The following TRPC7 variants were observed in gnomAD, a reference collection of about 807,000 sequenced individuals.
TRPC7 encodes short transient receptor potential channel 7.
Under a neutral mutation model 90.1 loss-of-function variants are expected in TRPC7, and 42 were observed. That is an observed-to-expected ratio of 0.47 (90% CI 0.36 to 0.60). The LOEUF (loss-of-function observed/expected upper bound fraction) is 0.60. Ranked by LOEUF, TRPC7 falls within the 20% of genes least tolerant of loss-of-function variation. The pLI is 0.00. For missense variants in TRPC7, 955 were observed against 1,112.3 expected, an observed-to-expected ratio of 0.86 and a Z score of 2.01; for synonymous variants, 451 against 436.3, an observed-to-expected ratio of 1.03 and a Z score of -0.42.
At chr5:136,353,090 G>A (rs1310640844) in intron 2 of TRPC7, among the ~76,000 whole-genome samples, 1 of 152,110 alleles carries the variant, frequency 6.6e-6, no homozygotes, top group Non-Finnish European at 1.5e-5. Flanking sequence ...ACCACATCAA[G>A]TTTTAATATC....
chr5:136,347,234 T>C (rs1359963092), intron 2 of TRPC7, among the ~76,000 whole-genome samples: 1 of 152,174 alleles, frequency 6.6e-6, no homozygotes, highest in African/African-American at 2.4e-5. Context: ...TGTGCTACTT[T>C]GTTATTGCAG....
chr5:136,295,164 G>A (rs1758120723), intron 3 of TRPC7, among the ~76,000 whole-genome samples: 1 of 152,058 alleles, frequency 6.6e-6, no homozygotes, highest in African/African-American at 2.4e-5. Context: ...GGGAGGGATA[G>A]CCTTAGGAGA....
intron 5 of TRPC7, among the ~76,000 whole-genome samples, chr5:136,252,753 A>G (rs1033417528): frequency 3.3e-5 from 5 of 152,226 alleles, no homozygotes; most frequent in Admixed American, 6.5e-5. Flanking sequence ...TTAGGCTCCT[A>G]TGAGAATCTA....
intron 3 of TRPC7, among the ~76,000 whole-genome samples, chr5:136,303,049 T>G (rs1365683438): frequency 2.0e-5 from 3 of 152,066 alleles, no homozygotes; most frequent in African/African-American, 4.8e-5. Context: ...CCTCCCCTCC[T>G]CACACCCGGT....
intron 1 of TRPC7, 33 bp downstream of exon 1, chr5:136,365,220 A>T (rs1303834668): frequency 6.5e-7 from 1 of 1,536,638 alleles, no homozygotes; most frequent in African/African-American, 1.4e-5. Flanking sequence ...TGGAAAAAAA[A>T]ATCAATATGA....
intron 1 of TRPC7, among the ~76,000 whole-genome samples, chr5:136,362,923 T>C (rs1760613715): frequency 6.6e-6 from 1 of 152,132 alleles, no homozygotes. Context: ...CTTAATTCAT[T>C]CCTAAATATT....
intron 2 of TRPC7, among the ~76,000 whole-genome samples, chr5:136,338,653 A>G (rs1759744710): frequency 6.6e-6 from 1 of 152,248 alleles, no homozygotes; most frequent in African/African-American, 2.4e-5. Context: ...AAAGAGAGGC[A>G]CACTTAGTTC....
intron 3 of TRPC7, among the ~76,000 whole-genome samples, chr5:136,312,331 A>T (rs1233730482): frequency 6.6e-6 from 1 of 152,128 alleles, no homozygotes; most frequent in Non-Finnish European, 1.5e-5. Flanking sequence ...CTCTGGGGAG[A>T]TAACAAAGGA....
In TRPC7 at chr5:136,357,217, C is replaced by G. The variant is rs372427444; in HGVS notation, c.171G>C (p.Pro57=). Residue 57 remains proline (P), a synonymous_variant, in exon 2 of 12, where the codon CCG becomes CCC. Transcript: ENST00000513104. ...ACTCCTCCAGCATTTTCCGGACCAC[C>G]GGGATGTTGCCATACTCAGCCGAGT... ...FLDSAEYGNI[P]VVRKMLEESK... 2 of 1,613,854 alleles carry G rather than the reference C, an allele frequency of 1.2e-6. No individual in the cohort carries two copies. The highest frequency in any genetic ancestry group is 4.5e-5 in the East Asian group (2 of 44,874).
At chr5:136,350,356 C>T (rs373615405) in intron 2 of TRPC7, among the ~76,000 whole-genome samples, 1 of 152,170 alleles carries the variant, frequency 6.6e-6, no homozygotes, top group Non-Finnish European at 1.5e-5. Context: ...CCAGGGCCTG[C>T]CCCTCTGCAC....
At chr5:136,217,310 C>T (rs951569568) in intron 10 of TRPC7, among the ~76,000 whole-genome samples, 7 of 152,198 alleles carry the variant, frequency 4.6e-5, no homozygotes, top group African/African-American at 1.7e-4. Flanking sequence ...TGAGGAAAAG[C>T]ATCTTGCAAA....
Position 136,269,994 on chromosome 5 carries a change from T to A in TRPC7, c.1129-3558A>T, listed in dbSNP as rs1232715778. ...AGGGATTTACAAAGCAGGACTCCGA[T>A]GAAAGAAAAGGAAGGGACAGAGTTT... On this transcript the variant is annotated intron_variant, in intron 4 of 11. Transcript: ENST00000513104. Among the ~76,000 whole-genome samples the A allele has an allele frequency of 2.0e-5, 3 of 152,298 alleles. No homozygotes were observed. The South Asian group carries it at 6.2e-4, about 32-fold the overall frequency.
intron 2 of TRPC7, among the ~76,000 whole-genome samples, chr5:136,324,782 A>G (rs1759296460): frequency 6.6e-6 from 1 of 152,260 alleles, no homozygotes; most frequent in South Asian, 2.1e-4. Context: ...AGAGAAGCTC[A>G]TTATCCTGAT....
chr5:136,308,987 G>C (rs1479425539), intron 3 of TRPC7, among the ~76,000 whole-genome samples: 1 of 152,184 alleles, frequency 6.6e-6, no homozygotes. Context: ...TGCACAAGGT[G>C]GTCATTTTTG....
intron 8 of TRPC7, among the ~76,000 whole-genome samples, chr5:136,226,711 T>A (rs1755641919): frequency 6.6e-6 from 1 of 152,204 alleles, no homozygotes; most frequent in South Asian, 2.1e-4. Flanking sequence ...ATGAGCCACA[T>A]AGGTAAGTTT....
chr5:136,305,784 A>G (rs1758601375), intron 3 of TRPC7, among the ~76,000 whole-genome samples: 1 of 152,152 alleles, frequency 6.6e-6, no homozygotes, highest in East Asian at 1.9e-4. Context: ...AAACCTTTAT[A>G]TCCCTTACAG....
At chr5:136,217,494 T>C (rs2149792111) in intron 10 of TRPC7, among the ~76,000 whole-genome samples, 1 of 152,260 alleles carries the variant, frequency 6.6e-6, no homozygotes, top group African/African-American at 2.4e-5. Flanking sequence ...TGGGTTTAGC[T>C]CATTCAGGCC....
chr5:136,231,326 G>C, intron 8 of TRPC7, 28 bp downstream of exon 8: 1 of 1,552,948 alleles, frequency 6.4e-7, no homozygotes, highest in Non-Finnish European at 8.7e-7. Flanking sequence ...ATGAAGGAGA[G>C]CAAGCATTTT....
chr5:136,341,571 C>T (rs1296369828), intron 2 of TRPC7, among the ~76,000 whole-genome samples: 2 of 151,870 alleles, frequency 1.3e-5, no homozygotes, highest in Non-Finnish European at 2.9e-5. Context: ...GACACTGGGG[C>T]AAAGAGAGGG....
Sources: gnomAD v4.1 joint callset for allele counts (sites outside exome capture counted in the v4.1 genomes callset) on GRCh38, gnomAD v4.1.1 for gene constraint, MANE v1.5 for transcripts, NCBI Gene and HGNC (gene_info 2026-07-23, HGNC 2026-07-21) for gene names.